The following PSMD4 variants were observed in gnomAD, a reference collection of about 807,000 sequenced individuals.
PSMD4 encodes the protein 26S proteasome non-ATPase regulatory subunit 4.
PSMD4 carries 5 observed loss-of-function variants against 39.7 expected under a neutral mutation model. The observed-to-expected ratio is 0.13, with a 90% CI of 0.07 to 0.26. PSMD4 has a LOEUF of 0.26. PSMD4 is among the 10% of genes least tolerant of loss of function. PSMD4 has a pLI of 1.00. For synonymous variants in PSMD4, 143 were observed against 174.6 expected (o/e 0.82, Z 1.43); for missense variants, 272 against 486.1 (o/e 0.56, Z 4.14).
At chr1:151,260,905 G>A (rs1044394238) in intron 1 of PSMD4, among the ~76,000 whole-genome samples, 1 of 151,168 alleles carries the variant, frequency 6.6e-6, no homozygotes, top group Non-Finnish European at 1.5e-5. Context: ...GAGTGCAGTG[G>A]CGTGATCTTG....
intron 1 of PSMD4, 41 bp from the exon 2 acceptor site, chr1:151,262,120 C>G: frequency 1.2e-6 from 2 of 1,611,124 alleles, no homozygotes; most frequent in Non-Finnish European, 1.7e-6. Context: ...TGGAAAACTT[C>G]TACATTTCTT....
intron 1 of PSMD4, among the ~76,000 whole-genome samples, chr1:151,256,987 G>A (rs587679801): frequency 2.6e-5 from 4 of 151,822 alleles, no homozygotes; most frequent in Non-Finnish European, 5.9e-5. Context: ...ACCCTCAGGT[G>A]ATCCGCCCGC....
intron 3 of PSMD4, 51 bp downstream of exon 3, chr1:151,264,079 C>T: frequency 7.5e-7 from 1 of 1,339,280 alleles, no homozygotes; most frequent in Non-Finnish European, 1.0e-6. Flanking sequence ...TGAGGTCCTG[C>T]CTCCATCATA....
chr1:151,261,382 T>G (rs1284954262), intron 1 of PSMD4, among the ~76,000 whole-genome samples: 2 of 150,858 alleles, frequency 1.3e-5, no homozygotes. Context: ...TCCATGTTGG[T>G]CAGGCTGGTC....
chr1:151,265,733 ACCT>A, intron 6 of PSMD4, 124 bp downstream of exon 6: 10 of 1,135,730 alleles, frequency 8.8e-6, no homozygotes, highest in Non-Finnish European at 1.2e-5. Flanking sequence ...ATTTTCCAAG[ACCT>A]CCTTTTGCCG....
chr1:151,263,146 C>T (rs770905157), intron 2 of PSMD4, among the ~76,000 whole-genome samples: 13 of 152,110 alleles, frequency 8.5e-5, no homozygotes, highest in Non-Finnish European at 1.9e-4. Context: ...TGCTTGGTTT[C>T]CATTAAATAC....
intron 1 of PSMD4, among the ~76,000 whole-genome samples, chr1:151,261,300 C>T (rs587610507): frequency 1.8e-4 from 28 of 151,562 alleles, no homozygotes; most frequent in African/African-American, 5.6e-4. Context: ...CTCAGCCTCC[C>T]GAGTAGCTGG....
chr1:151,257,544 A>G (rs1054095066), intron 1 of PSMD4, among the ~76,000 whole-genome samples: 1 of 151,800 alleles, frequency 6.6e-6, no homozygotes, highest in African/African-American at 2.4e-5. Context: ...GCCAATTTTA[A>G]TTAATTAATT....
At chr1:151,261,534 C>A (rs587621311) in intron 1 of PSMD4, among the ~76,000 whole-genome samples, 1 of 152,286 alleles carries the variant, frequency 6.6e-6, no homozygotes, top group South Asian at 2.1e-4. Flanking sequence ...CATTTAATGG[C>A]AGACTTAGAG....
chr1:151,256,585 C>T (rs1693177012), intron 1 of PSMD4, among the ~76,000 whole-genome samples: 1 of 142,538 alleles, frequency 7.0e-6, no homozygotes, highest in Admixed American at 7.1e-5. Context: ...ATTACAGGTG[C>T]CCGCCACCAC....
At chr1:151,261,946 C>A (rs1187660295) in intron 1 of PSMD4, among the ~76,000 whole-genome samples, 1 of 112,324 alleles carries the variant, frequency 8.9e-6, no homozygotes, top group Non-Finnish European at 1.8e-5. Context: ...CAGAGCAAGA[C>A]CCTATCTCAA....
intron 1 of PSMD4, 151 bp from the exon 2 acceptor site, chr1:151,262,010 T>G: frequency 1.4e-6 from 1 of 735,574 alleles, no homozygotes; most frequent in Admixed American, 2.9e-5. Flanking sequence ...AAATGTGGGC[T>G]AAGGCTTGAT....
At chr1:151,265,906 T>C (rs1400930200) in intron 6 of PSMD4, 98 bp from the exon 7 acceptor site, 1 of 1,423,732 alleles carries the variant, frequency 7.0e-7, no homozygotes, top group African/African-American at 1.4e-5. Flanking sequence ...AACCAGAAGC[T>C]GCCCCTTTAT....
intron 1 of PSMD4, 55 bp downstream of exon 1, chr1:151,254,863 C>T: frequency 6.9e-7 from 1 of 1,441,730 alleles, no homozygotes; most frequent in Non-Finnish European, 9.1e-7. Context: ...GCGCGTGTAG[C>T]GCCAAGGCAG....
chr1:151,256,749 T>G (rs1367898510), intron 1 of PSMD4, among the ~76,000 whole-genome samples: 2 of 136,464 alleles, frequency 1.5e-5, no homozygotes, highest in East Asian at 4.2e-4. Flanking sequence ...CTTTGCCCAC[T>G]TTTTTTTTTT....
rs754116642 is a variant in PSMD4 at position 151,254,751 on chromosome 1, G to A, written c.-32G>A. On this transcript the variant is annotated 5_prime_UTR_variant, in exon 1 of 10. Coordinates refer to ENST00000368884, the MANE Select transcript of PSMD4 (RefSeq NM_002810.4). ...GAGGAGTTGTTGTTAGGCCGTCCCGGAGACCCGGTCGGGAGGGAGGAAGGT... is the reference window on the plus strand; with the variant it reads ...GAGGAGTTGTTGTTAGGCCGTCCCGAAGACCCGGTCGGGAGGGAGGAAGGT... The A allele has an allele frequency of 1.1e-4, 167 of 1,554,720 alleles. No homozygotes were observed. Among genetic ancestry groups the A allele is most frequent in the Non-Finnish European group, 1.4e-4 (161 of 1,150,102 alleles).
At chr1:151,254,924 C>G in intron 1 of PSMD4, 116 bp downstream of exon 1, 1 of 1,303,166 alleles carries the variant, frequency 7.7e-7, no homozygotes, top group Non-Finnish European at 1.0e-6. Flanking sequence ...GCGGCCCTGG[C>G]CCCGGAGGTA....
chr1:151,255,613 A>C (rs1474377254), intron 1 of PSMD4, among the ~76,000 whole-genome samples: 1 of 151,870 alleles, frequency 6.6e-6, no homozygotes, highest in African/African-American at 2.4e-5. Context: ...AACACAAATC[A>C]CCGATTGGGT....
chr1:151,258,081 T>TG (rs1693219431), intron 1 of PSMD4, among the ~76,000 whole-genome samples: 1 of 152,030 alleles, frequency 6.6e-6, no homozygotes, highest in Non-Finnish European at 1.5e-5. Context: ...TGGAGTGCAG[T>TG]GGCGCCATCT....
Sources: allele counts gnomAD v4.1 joint callset (sites outside exome capture counted in the v4.1 genomes callset), GRCh38; gene constraint gnomAD v4.1.1; transcripts MANE v1.5; gene names NCBI Gene and HGNC (gene_info 2026-07-23, HGNC 2026-07-21).